The following ARHGAP1 variants were observed in gnomAD, a reference collection of about 807,000 sequenced individuals.
The protein encoded by ARHGAP1 is rho GTPase-activating protein 1.
Under a neutral mutation model 52.2 loss-of-function variants are expected in ARHGAP1, and 23 were observed. That is an observed-to-expected ratio of 0.44 (90% confidence interval 0.32 to 0.62). The LOEUF is 0.62. ARHGAP1 is among the 20% of genes least tolerant of loss of function. ARHGAP1 has a pLI of 0.05. For synonymous variants in ARHGAP1, 210 were observed against 228.4 expected (o/e 0.92, Z 0.73); for missense variants, 480 against 560.9 (o/e 0.86, Z 1.46).
At chr11:46,691,451 AT>A (rs56173045) in intron 3 of ARHGAP1, among the ~76,000 whole-genome samples, 111,949 of 114,838 alleles carry the variant, frequency 0.97, 54,604 homozygotes, top group South Asian at 0.99. Context: ...CACCAGGCTA[AT>A]TTTTTTTTTT....
Position 46,680,524 on chromosome 11 carries a change from A to G in ARHGAP1, c.783T>C (p.Ile261=), listed in dbSNP as rs1487850920. 6.2e-7 allele frequency: 1 copy of G among 1,614,070 alleles called. No homozygotes were observed. The highest frequency in any genetic ancestry group is 1.1e-5 in the South Asian group (1 of 91,086). ...EKNPEQEPIP[I]VLRETVAYLQ... ...AGTAGGCAACAGTCTCCCTGAGTAC[A>G]ATGGGAATGGGCTCCTGCTCTGGAT... The change falls in exon 9 of 13, where the codon ATT becomes ATC. Residue 261 remains isoleucine (I), a synonymous_variant. Coordinates refer to ENST00000311956, the MANE Select transcript of ARHGAP1 (RefSeq NM_004308.5). The surrounding 1 kb of genome is among the most constrained non-coding windows in gnomAD (Gnocchi z 5.9).
At position 46,679,271 on chromosome 11, in the gene ARHGAP1, C is replaced by T; in HGVS notation, c.1132-46G>A. The T allele has an allele frequency of 6.3e-7, 1 of 1,592,308 alleles. No homozygotes were observed. Among genetic ancestry groups the T allele is most frequent in the Non-Finnish European group, 8.6e-7 (1 of 1,165,856 alleles). ...TGCAGCAGGAAGCCACAGATGCTGCCTCCCACTCCCAGCAACAATGACCAG... is the reference window on the plus strand; with the variant it reads ...TGCAGCAGGAAGCCACAGATGCTGCTTCCCACTCCCAGCAACAATGACCAG... On this transcript the variant is annotated intron_variant, in intron 12 of 12. Coordinates refer to ENST00000311956, the MANE Select transcript of ARHGAP1 (RefSeq NM_004308.5). The surrounding 1 kb of genome is among the most constrained non-coding windows in gnomAD (Gnocchi z 4.4).
chr11:46,692,766 C>A (rs2064623389), intron 3 of ARHGAP1, among the ~76,000 whole-genome samples: 1 of 152,144 alleles, frequency 6.6e-6, no homozygotes, highest in South Asian at 2.1e-4. Context: ...CAGCTCACTG[C>A]AACCTCTACC....
At chr11:46,688,361 C>G in intron 3 of ARHGAP1, 101 bp from the exon 4 acceptor site, 1 of 1,190,448 alleles carries the variant, frequency 8.4e-7, no homozygotes, top group South Asian at 1.4e-5. Flanking sequence ...GAGCCAGTTA[C>G]CACAGGGGCC....
At chr11:46,692,591 C>T (rs925378254) in intron 3 of ARHGAP1, among the ~76,000 whole-genome samples, 14 of 152,162 alleles carry the variant, frequency 9.2e-5, no homozygotes, top group Non-Finnish European at 1.9e-4. Flanking sequence ...GGCCACAGCA[C>T]TTTGTAAGTG....
intron 3 of ARHGAP1, among the ~76,000 whole-genome samples, chr11:46,692,830 G>A (rs1283643763): frequency 2.0e-5 from 3 of 151,170 alleles, no homozygotes; most frequent in African/African-American, 7.3e-5. Flanking sequence ...TGGGATTACA[G>A]GCATGCACCA....
In ARHGAP1 at chr11:46,696,053, C is replaced by A; in HGVS notation, c.55G>T (p.Ala19Ser). 1 of 1,613,572 alleles carries A rather than the reference C, an allele frequency of 6.2e-7. No homozygotes were observed. The highest frequency in any genetic ancestry group is 8.5e-7 in the Non-Finnish European group (1 of 1,179,774). ...GAGGCCAGCTTCAGCTGGTTCAGAGCCTCGCTGGTGTCATCCAAGGTCAGA... is the reference window on the plus strand; with the variant it reads ...GAGGCCAGCTTCAGCTGGTTCAGAGACTCGCTGGTGTCATCCAAGGTCAGA... ...DDLTLDDTSE[A>S]LNQLKLASID... Residue 19 changes from alanine to serine, a missense_variant, in exon 2 of 13, where the codon GCT becomes TCT. Ala to Ser is a moderately conservative substitution (Grantham distance 99). Coordinates refer to ENST00000311956, the MANE Select transcript of ARHGAP1 (RefSeq NM_004308.5). The surrounding 1 kb of genome is among the most constrained non-coding windows in gnomAD (Gnocchi z 4.8).
In ARHGAP1 at chr11:46,681,955, C is replaced by T; in HGVS notation, c.449+96G>A. 1.3e-6 allele frequency: 2 copies of T among 1,561,114 alleles called. No homozygotes were observed. The highest frequency in any genetic ancestry group is 4.5e-5 in the East Asian group (2 of 44,072). On this transcript the variant is annotated intron_variant, in intron 5 of 12. Transcript: ENST00000311956. The surrounding 1 kb of genome is among the most constrained non-coding windows in gnomAD (Gnocchi z 5.7). Reference sequence around the variant, plus strand: ...GACGGCAGCCCCCGCCACCCCCTGCCTTGGAATAAGCTCCTGCCCAAGTGG... The same window carrying T: ...GACGGCAGCCCCCGCCACCCCCTGCTTTGGAATAAGCTCCTGCCCAAGTGG...
intron 4 of ARHGAP1, among the ~76,000 whole-genome samples, chr11:46,684,206 C>T (rs1027883474): frequency 5.3e-5 from 8 of 152,236 alleles, no homozygotes; most frequent in African/African-American, 1.9e-4. Context: ...CCCTTCTCCA[C>T]ACTGAGCACT....
chr11:46,682,346 G>A (rs1183119385), intron 4 of ARHGAP1, among the ~76,000 whole-genome samples, 164 bp from the exon 5 acceptor site: 10 of 152,200 alleles, frequency 6.6e-5, no homozygotes, highest in Non-Finnish European at 1.5e-4. Flanking sequence ...GGTTGCTGTG[G>A]AGGAGGCCTA....
chr11:46,691,553 G>A (rs186264028), intron 3 of ARHGAP1, among the ~76,000 whole-genome samples: 53 of 151,398 alleles, frequency 3.5e-4, no homozygotes, highest in Admixed American at 1.7e-3. Flanking sequence ...CCGGGTTCAA[G>A]TGATTCTCCT....
chr11:46,681,966 C>A lies in ARHGAP1; in HGVS notation c.449+85G>T. 1 of 1,580,380 alleles carries A rather than the reference C, an allele frequency of 6.3e-7. No individual in the cohort carries two copies. Among genetic ancestry groups the A allele is most frequent in the South Asian group, 1.1e-5 (1 of 87,256 alleles). Reference sequence around the variant, plus strand: ...CCGCCACCCCCTGCCTTGGAATAAGCTCCTGCCCAAGTGGAGGGCAGCCCG... The same window carrying A: ...CCGCCACCCCCTGCCTTGGAATAAGATCCTGCCCAAGTGGAGGGCAGCCCG... On this transcript the variant is annotated intron_variant, in intron 5 of 12. Coordinates refer to ENST00000311956, the MANE Select transcript of ARHGAP1 (RefSeq NM_004308.5). This position sits in a 1 kb window ranked among gnomAD's most constrained non-coding sequence, Gnocchi z 5.7.
intron 3 of ARHGAP1, 25 bp from the exon 4 acceptor site, chr11:46,688,285 C>T: frequency 6.2e-7 from 1 of 1,604,324 alleles, no homozygotes; most frequent in East Asian, 2.2e-5. Flanking sequence ...AGATGGAGCA[C>T]AGTGGGTTGA....
rs753002589 is a variant in ARHGAP1, at chr11:46,688,282, G to C, written c.230-22C>G. Reference sequence around the variant, plus strand: ...TCTCCTAGGTGTGGAGAAAGATGGAGCACAGTGGGTTGAAGGGGAACCAAA... The same window carrying C: ...TCTCCTAGGTGTGGAGAAAGATGGACCACAGTGGGTTGAAGGGGAACCAAA... On this transcript the variant is annotated intron_variant, in intron 3 of 12. Transcript: ENST00000311956. The C allele has an allele frequency of 6.2e-6, 10 of 1,606,242 alleles. No homozygotes were observed. The Admixed American group carries it at 1.2e-4, about 19-fold the overall frequency.
chr11:46,683,403 C>T (rs1592385819), intron 4 of ARHGAP1, among the ~76,000 whole-genome samples: 1 of 152,158 alleles, frequency 6.6e-6, no homozygotes, highest in East Asian at 1.9e-4. Flanking sequence ...ACTCCAGTGC[C>T]GGCGGTAAAA....
At chr11:46,689,932 C>T (rs2064598623) in intron 3 of ARHGAP1, among the ~76,000 whole-genome samples, 1 of 152,214 alleles carries the variant, frequency 6.6e-6, no homozygotes. Flanking sequence ...AGCACCCCCG[C>T]TGAGCAGTGT....
chr11:46,677,899 G>T lies in ARHGAP1; in HGVS notation c.*1138C>A, dbSNP rs532976486. The T allele has an allele frequency of 3.5e-5, 15 of 424,760 alleles. No individual in the cohort carries two copies. In the East Asian group the frequency reaches 7.7e-4, roughly 22 times the overall value. 26.3% of individuals were successfully genotyped at this position (424,760 alleles called of 1,614,324 possible). On this transcript the variant is annotated 3_prime_UTR_variant, in exon 13 of 13. Transcript: ENST00000311956. ...CAGAAGGCGGAGGTGTGCCGAGATC[G>T]CGCCACTGCACTCCAGCCTGGTGAC...
At position 46,679,628 on chromosome 11, in the gene ARHGAP1, C is replaced by T; in HGVS notation, c.1027+20G>A. On this transcript the variant is annotated intron_variant, in intron 11 of 12. Coordinates refer to ENST00000311956, the MANE Select transcript of ARHGAP1 (RefSeq NM_004308.5). The surrounding 1 kb of genome is among the most constrained non-coding windows in gnomAD (Gnocchi z 4.4). ...GCCCCAAGTCCAGCCCCAGGCCCAA[C>T]AGAAGAGATGGGGACTCACTGAGGA... The T allele has an allele frequency of 6.2e-7, 1 of 1,613,794 alleles. No homozygotes were observed. Among genetic ancestry groups the T allele is most frequent in the Non-Finnish European group, 8.5e-7 (1 of 1,179,894 alleles).
At chr11:46,685,112 C>T (rs2064558134) in intron 4 of ARHGAP1, among the ~76,000 whole-genome samples, 1 of 147,504 alleles carries the variant, frequency 6.8e-6, no homozygotes, top group Non-Finnish European at 1.5e-5. Context: ...AAAAAGATAC[C>T]AAACTGACTA....
Sources: gnomAD v4.1 joint callset for allele counts (sites outside exome capture counted in the v4.1 genomes callset) on GRCh38, gnomAD v4.1.1 for gene constraint, Gnocchi (gnomAD v3.1) non-coding constraint, MANE v1.5 for transcripts, NCBI Gene and HGNC (gene_info 2026-07-23, HGNC 2026-07-21) for gene names.